The following CCDC33 variants were observed in gnomAD, a reference collection of about 807,000 sequenced individuals.
CCDC33 encodes the protein coiled-coil domain-containing protein 33.
Under a neutral mutation model 91.9 loss-of-function variants are expected in CCDC33, and 94 were observed. The ratio of observed to expected loss-of-function variants is 1.02; its 90% confidence interval spans 0.87 to 1.21. The LOEUF (loss-of-function observed/expected upper bound fraction) is 1.21, where lower values mean the gene tolerates loss of function less well. CCDC33 is among the 50% of genes most tolerant of loss of function. The probability of loss-of-function intolerance (pLI) is 0.00; values close to 1 mark genes in which losing one functional copy is unlikely to be tolerated. For missense variants in CCDC33, 940 were observed against 935.5 expected (o/e 1.00, Z -0.06); for synonymous variants, 396 against 374.5 (o/e 1.06, Z -0.66).
chr15:74,295,869 G>A lies in CCDC33; in HGVS notation c.1211G>A (p.Ser404Asn), dbSNP rs779739810. Residue 404 changes from serine to asparagine, a missense_variant, in exon 11 of 19, where the codon AGC (serine) becomes AAC (asparagine). Coordinates refer to ENST00000398814, the MANE Select transcript of CCDC33 (RefSeq NM_025055.5). ...GAGTCCTGGTCCAAGGACACAGTGA[G>A]CTCCACAATGGACTTGAGCACGTCC... is the stretch of plus-strand genomic sequence containing the variant. ...IQESWSKDTV[S>N]STMDLSTSTP... 6.2e-7 allele frequency: 1 copy of A among 1,614,176 alleles called. No individual in the cohort carries two copies. Among genetic ancestry groups the A allele is most frequent in the Non-Finnish European group, 8.5e-7 (1 of 1,180,032 alleles).
At chr15:74,240,990 G>A (rs1291752558) in intron 1 of CCDC33, among the ~76,000 whole-genome samples, 1 of 152,228 alleles carries the variant, frequency 6.6e-6, no homozygotes, top group African/African-American at 2.4e-5. Context: ...GGGGGTCATG[G>A]TGGCCTGCAT....
At chr15:74,256,846 T>A (rs1054128090) in intron 2 of CCDC33, among the ~76,000 whole-genome samples, 10 of 152,238 alleles carry the variant, frequency 6.6e-5, no homozygotes, top group Non-Finnish European at 1.3e-4. Context: ...GGGCTGTGGC[T>A]TTCTCCTTGT....
At chr15:74,335,531 C>A in intron 18 of CCDC33, 1 of 364,930 alleles carries the variant, frequency 2.7e-6, no homozygotes, top group South Asian at 4.0e-5. Context: ...TGCCAACTTC[C>A]CGAGAACAAA....
chr15:74,275,202 T>C (rs1379799890), intron 7 of CCDC33, among the ~76,000 whole-genome samples: 1 of 152,242 alleles, frequency 6.6e-6, no homozygotes, highest in African/African-American at 2.4e-5. Context: ...AAAGCACTGT[T>C]TGACCTGGGT....
chr15:74,207,479 G>T (rs2074285264), intron 1 of CCDC33, among the ~76,000 whole-genome samples: 1 of 152,138 alleles, frequency 6.6e-6, no homozygotes, highest in African/African-American at 2.4e-5. Flanking sequence ...ATCAACCACA[G>T]ATTGGAACAA....
chr15:74,308,358 GAC>G (rs3057604), intron 11 of CCDC33, among the ~76,000 whole-genome samples: 2 of 145,902 alleles, frequency 1.4e-5, no homozygotes, highest in African/African-American at 5.2e-5. Context: ...CAGACAGACA[GAC>G]ACACACACAC....
rs945225317 is a variant in CCDC33, at chr15:74,331,239, C to G, written c.1714C>G (p.Leu572Val). The G allele has an allele frequency of 1.2e-6, 2 of 1,614,132 alleles. No individual in the cohort carries two copies. Among genetic ancestry groups the G allele is most frequent in the Non-Finnish European group, 1.7e-6 (2 of 1,179,982 alleles). The part of the protein sequence containing the change: ...EKMERVLEDR[L>V]QDRSKPPPLN... The stretch of plus-strand genomic sequence containing the variant: ...GATGGAGCGGGTGCTGGAGGACAGG[C>G]TGCAGGACAGGAGCAAGCCCCCTCC... Residue 572 changes from leucine to valine, a missense_variant, in exon 15 of 19, where the codon CTG (leucine) becomes GTG (valine). By Grantham distance (32) the Leu-to-Val change is conservative. Coordinates refer to ENST00000398814, the MANE Select transcript of CCDC33 (RefSeq NM_025055.5).
At chr15:74,291,205 G>C (rs1213775407) in intron 10 of CCDC33, among the ~76,000 whole-genome samples, 3 of 152,226 alleles carry the variant, frequency 2.0e-5, no homozygotes, top group African/African-American at 4.8e-5. Flanking sequence ...CTGTATGCAG[G>C]GGAGGCAGCA....
Position 74,331,013 on chromosome 15 carries a change from G to A in CCDC33, c.1578G>A (p.Leu526=), listed in dbSNP as rs1208241510. Residue 526 remains leucine, a synonymous_variant, in exon 14 of 19, where the codon CTG becomes CTA. Transcript: ENST00000398814. ...KNDREKELLL[L]YQAQQPQAAL... is the part of the protein sequence containing the mutation. ...ATCGAGAGAAGGAGCTGCTCCTTCT[G>A]TATCAGGCCCAGCAGCCACAGGCCG... The A allele has an allele frequency of 5.0e-6, 8 of 1,607,792 alleles. No homozygotes were observed. Among genetic ancestry groups the A allele is most frequent in the African/African-American group, 1.3e-5 (1 of 74,672 alleles).
At chr15:74,240,512 A>G (rs1208884971) in intron 1 of CCDC33, among the ~76,000 whole-genome samples, 1 of 152,196 alleles carries the variant, frequency 6.6e-6, no homozygotes, top group African/African-American at 2.4e-5. Flanking sequence ...ATCACAAACT[A>G]TTCCAGACAT....
rs1389283770 is a variant in CCDC33, at chr15:74,281,831, C to G, written c.1077C>G (p.Phe359Leu). Residue 359 changes from phenylalanine (F) to leucine (L), a missense_variant, in exon 10 of 19, where the codon TTC (phenylalanine) becomes TTG (leucine). Transcript: ENST00000398814. ...AGGCCCCCACAGTGGCTCTCTCCTT[C>G]CAGCTGCTTTCCTCTGAGGTAAGGC... ...NDEAPTVALS[F>L]QLLSSERPEN... The G allele has an allele frequency of 6.2e-7, 1 of 1,614,098 alleles. No homozygotes were observed. The highest frequency in any genetic ancestry group is 8.5e-7 in the Non-Finnish European group (1 of 1,179,956).
In CCDC33 at chr15:74,308,073, G is replaced by A. The variant is rs905994173; in HGVS notation, c.1290+12125G>A. 1.5e-4 allele frequency among the ~76,000 whole-genome samples: 23 copies of A among 152,252 alleles called. No individual in the cohort carries two copies. In the South Asian group the frequency reaches 1.9e-3, roughly 12 times the overall value. ...AGGGTGAGGTCTAAAGCGGGCACGG[G>A]CTCTAGGTGGGCACGTCCCCCTTGG... is the stretch of plus-strand genomic sequence containing the variant. On this transcript the variant is annotated intron_variant, in intron 11 of 18. Coordinates refer to ENST00000398814, the MANE Select transcript of CCDC33 (RefSeq NM_025055.5).
At chr15:74,285,874 A>G (rs1468007503) in intron 10 of CCDC33, among the ~76,000 whole-genome samples, 2 of 152,230 alleles carry the variant, frequency 1.3e-5, no homozygotes, top group Non-Finnish European at 2.9e-5. Flanking sequence ...ACACTCATAT[A>G]CAAAAACACA....
chr15:74,242,181 T>G (rs776433748), intron 1 of CCDC33, among the ~76,000 whole-genome samples: 2 of 152,238 alleles, frequency 1.3e-5, no homozygotes, highest in Non-Finnish European at 2.9e-5. Flanking sequence ...CAGAGCAGCT[T>G]CCAGATAGGT....
chr15:74,223,691 TGCTTCTGCTGAG>T (rs1487105062), intron 2 of CCDC33, among the ~76,000 whole-genome samples: 1 of 117,628 alleles, frequency 8.5e-6, no homozygotes, highest in African/African-American at 2.7e-5. Context: ...CCAGGCAGCA[TGCTTCTGCTGAG>T]GCTGTGCCCA....
chr15:74,207,952 C>G, intron 1 of CCDC33: 1 of 1,441,276 alleles, frequency 6.9e-7, no homozygotes, highest in Non-Finnish European at 9.1e-7. Context: ...TCCTGTCTCT[C>G]TACCTCCTAC....
exon 1 of CCDC33, chr15:74,203,027 C>T: frequency 1.0e-6 from 1 of 986,006 alleles, no homozygotes; most frequent in Middle Eastern, 5.2e-4. Flanking sequence ...TGCCCCAGAG[C>T]TCCCAAGCCC....
chr15:74,261,639 GC>G lies in CCDC33; in HGVS notation c.186-799del, dbSNP rs562988755. Among the ~76,000 whole-genome samples the G allele has an allele frequency of 1.1e-4, 16 of 152,306 alleles. No individual in the cohort carries two copies. In the South Asian group the frequency reaches 3.3e-3, roughly 32 times the overall value. ...TGGAGCAGCGCTGGGGATGGCCCTG[GC>G]CTAGTAACCTCTTCTACAGAAGAAG... On this transcript the variant is annotated intron_variant, in intron 2 of 18. Transcript: ENST00000398814.
chr15:74,301,157 G>A lies in CCDC33; in HGVS notation c.1290+5209G>A, dbSNP rs966726410. ...ATGGCAACTCCCCAAATAGTCAACA[G>A]CCTGCAAGCATCTGCCCTCCACTCT... On this transcript the variant is annotated intron_variant, in intron 11 of 18. Transcript: ENST00000398814. 7.9e-5 allele frequency: 12 copies of A among 152,364 alleles called. No homozygotes were observed. The South Asian group carries it at 2.3e-3, about 29-fold the overall frequency. The allele number at this position is 152,364 out of a possible 1,614,324, so 9.4% of individuals were successfully genotyped here.
Sources: gnomAD v4.1 joint callset for allele counts (sites outside exome capture counted in the v4.1 genomes callset) on GRCh38, gnomAD v4.1.1 for gene constraint, MANE v1.5 for transcripts, NCBI Gene and HGNC (gene_info 2026-07-23, HGNC 2026-07-21) for gene names.